Variants in QSOX1 observed in about 807,000 individuals in gnomAD.
The protein encoded by QSOX1 is quiescin sulfhydryl oxidase 1.
In QSOX1, 40 loss-of-function variants were observed where a neutral mutation model predicts 76.1. That is an observed-to-expected ratio of 0.53 (90% CI 0.41 to 0.68). QSOX1 has a LOEUF of 0.68. Ranked by LOEUF, QSOX1 falls within the 30% of genes least tolerant of loss-of-function variation. QSOX1 has a pLI of 0.00. For missense variants in QSOX1, 931 were observed against 974.3 expected, an observed-to-expected ratio of 0.96 and a Z score of 0.59; for synonymous variants, 392 against 413.1, an observed-to-expected ratio of 0.95 and a Z score of 0.62.
In QSOX1 at chr1:180,186,314, C is replaced by T. The variant is rs1663170365; in HGVS notation, c.1017+132C>T. The stretch of plus-strand genomic sequence containing the variant: ...TCTGGCTGGACACCTGGACCCACAG[C>T]TCTCCCTGTCCACCATAGGTGATAC... On this transcript the variant is annotated intron_variant, in intron 8 of 11. Transcript: ENST00000367602. 1.5e-5 allele frequency: 18 copies of T among 1,232,756 alleles called. No individual in the cohort carries two copies. In the South Asian group the frequency reaches 2.1e-4, roughly 15 times the overall value. 76.4% of individuals were successfully genotyped at this position (1,232,756 alleles called of 1,614,324 possible).
chr1:180,187,825 C>T (rs1663211765), intron 8 of QSOX1, among the ~76,000 whole-genome samples: 1 of 152,226 alleles, frequency 6.6e-6, no homozygotes, highest in Non-Finnish European at 1.5e-5. Context: ...GCAGCAGAGG[C>T]ATCGGGGGCA....
At position 180,155,152 on chromosome 1, in the gene QSOX1, C is replaced by A; in HGVS notation, c.245C>A (p.Ala82Glu). ...ATCGCCTTCGCCCCGACGTGGAAGGCGCTGGCCGAAGACGTCAAAGGTGAG... is the reference window on the plus strand; with the variant it reads ...ATCGCCTTCGCCCCGACGTGGAAGGAGCTGGCCGAAGACGTCAAAGGTGAG... ...HCIAFAPTWK[A>E]LAEDVKAWRP... The change falls in exon 1 of 12, where the codon GCG becomes GAG. Residue 82 changes from alanine (A) to glutamate (E), a missense_variant. Physicochemically the swap from Ala to Glu is moderately radical, Grantham distance 107. Transcript: ENST00000367602. 6.6e-7 allele frequency: 1 copy of A among 1,519,206 alleles called. No individual in the cohort carries two copies. The highest frequency in any genetic ancestry group is 8.8e-7 in the Non-Finnish European group (1 of 1,137,756). The allele number at this position is 1,519,206 out of a possible 1,614,324, so 94.1% of individuals were successfully genotyped here. A position where few individuals can be genotyped will look rare whatever the true frequency, so the allele number is the denominator to read the frequency against.
chr1:180,164,585 C>T (rs1051704996), intron 1 of QSOX1, among the ~76,000 whole-genome samples: 3 of 152,204 alleles, frequency 2.0e-5, no homozygotes, highest in Non-Finnish European at 4.4e-5. Context: ...GCTTAGTTGC[C>T]TTCTTTCCAG....
intron 10 of QSOX1, 101 bp from the exon 11 acceptor site, chr1:180,194,111 TG>T: frequency 1.8e-6 from 2 of 1,111,764 alleles, no homozygotes; most frequent in Non-Finnish European, 2.6e-6. Context: ...TGTGCAGGGG[TG>T]GCCACGGCAG....
chr1:180,201,202 G>A lies in QSOX1; in HGVS notation c.*4165G>A, dbSNP rs567379794. ...TATTGCCAGCTACATGTAGAGTGGA[G>A]AGGAGAGGTTTTTCCTGCAGGGCCT... is the stretch of plus-strand genomic sequence containing the variant. On this transcript the variant is annotated 3_prime_UTR_variant, in exon 12 of 12. Coordinates refer to ENST00000367602, the MANE Select transcript of QSOX1 (RefSeq NM_002826.5). 6.6e-6 allele frequency: 1 copy of A among 152,330 alleles called. No homozygotes were observed. Among genetic ancestry groups the A allele is most frequent in the South Asian group, 2.1e-4 (1 of 4,828 alleles). The allele number at this position is 152,330 out of a possible 1,614,324, so 9.4% of individuals were successfully genotyped here.
At chr1:180,178,233 T>TTTTG (rs939821256) in intron 4 of QSOX1, among the ~76,000 whole-genome samples, 29 of 152,176 alleles carry the variant, frequency 1.9e-4, no homozygotes, top group Middle Eastern at 3.4e-3. Context: ...TTCCGACTCT[T>TTTTG]TTTGTTTGTT....
rs1663675239 is a variant in QSOX1 at position 180,203,436 on chromosome 1, CAG to C, written c.*6400_*6401del. On this transcript the variant is annotated 3_prime_UTR_variant, in exon 12 of 12. Transcript: ENST00000367602. The stretch of plus-strand genomic sequence containing the variant: ...CAAAAGTTAAGGAGACACCTGACCT[CAG>C]GGGCCCACAACTGCAGAGCCCCTGA... 1 of 152,204 alleles carries C rather than the reference CAG, an allele frequency of 6.6e-6. No individual in the cohort carries two copies. The allele number at this position is 152,204 out of a possible 1,614,324, so 9.4% of individuals were successfully genotyped here.
intron 2 of QSOX1, among the ~76,000 whole-genome samples, chr1:180,174,273 G>A (rs61826662): frequency 0.14 from 20,571 of 152,256 alleles, 1,521 homozygotes; most frequent in Middle Eastern, 0.21. Flanking sequence ...CTGGGCAGAA[G>A]CCCAGATTGC....
chr1:180,172,241 A>G (rs1412999010), intron 2 of QSOX1, among the ~76,000 whole-genome samples: 1 of 152,192 alleles, frequency 6.6e-6, no homozygotes, highest in Non-Finnish European at 1.5e-5. Context: ...CGGCTGTAGT[A>G]GAAAAGAGGA....
At position 180,198,737 on chromosome 1, in the gene QSOX1, C is replaced by T. The variant is rs1663567438; in HGVS notation, c.*1700C>T. The T allele has an allele frequency of 6.9e-6, 2 of 291,236 alleles. No homozygotes were observed. The highest frequency in any genetic ancestry group is 6.9e-6 in the Non-Finnish European group (1 of 145,300). 18.0% of individuals were successfully genotyped at this position (291,236 alleles called of 1,614,324 possible). A position where few individuals can be genotyped will look rare whatever the true frequency, so the allele number is the denominator to read the frequency against. On this transcript the variant is annotated 3_prime_UTR_variant, in exon 12 of 12. Transcript: ENST00000367602. Reference sequence around the variant, plus strand: ...CATTGGCTCCATCCTCCTGGTTGTGCTCTGCACCCCCTGCTCCCTTGGGCT... The same window carrying T: ...CATTGGCTCCATCCTCCTGGTTGTGTTCTGCACCCCCTGCTCCCTTGGGCT...
intron 2 of QSOX1, 97 bp downstream of exon 2, chr1:180,166,688 T>C: frequency 8.3e-7 from 1 of 1,209,792 alleles, no homozygotes; most frequent in Non-Finnish European, 1.2e-6. Context: ...TGGGCAGATT[T>C]CAGCTGCTCT....
chr1:180,186,170 A>G lies in QSOX1; in HGVS notation c.1005A>G (p.Ala335=), dbSNP rs983611491. 1.9e-6 allele frequency: 3 copies of G among 1,613,354 alleles called. No individual in the cohort carries two copies. Among genetic ancestry groups the G allele is most frequent in the Non-Finnish European group, 2.5e-6 (3 of 1,179,706 alleles). The change falls in exon 8 of 12, where the codon GCA becomes GCG. Residue 335 remains alanine (A), a synonymous_variant. Coordinates refer to ENST00000367602, the MANE Select transcript of QSOX1 (RefSeq NM_002826.5). ...TGGTGGCCCTGAAAAAGTTTGTGGC[A>G]GTGCTGGCCAAGGTGAGCAGGGCCA... ...QRLVALKKFV[A]VLAKYFPGRP... is the part of the protein sequence containing the mutation.
intron 1 of QSOX1, among the ~76,000 whole-genome samples, chr1:180,162,692 C>G (rs1048862038): frequency 1.3e-5 from 2 of 151,972 alleles, no homozygotes; most frequent in Admixed American, 6.6e-5. Context: ...GAGCCACGAT[C>G]GCACCACTGC....
chr1:180,191,713 A>AT (rs1663319620), intron 10 of QSOX1, among the ~76,000 whole-genome samples: 1 of 152,182 alleles, frequency 6.6e-6, no homozygotes, highest in East Asian at 1.9e-4. Context: ...GGGGTCTGGG[A>AT]AAGGCTTCCC....
chr1:180,179,527 G>A lies in QSOX1; in HGVS notation c.606+643G>A, dbSNP rs534054710. On this transcript the variant is annotated intron_variant, in intron 5 of 11. Coordinates refer to ENST00000367602, the MANE Select transcript of QSOX1 (RefSeq NM_002826.5). Reference sequence around the variant, plus strand: ...GTTTATGTAAAGGGCCTGGATTGCAGCTGACACATAGTAGGTGCTTTATAA... The same window carrying A: ...GTTTATGTAAAGGGCCTGGATTGCAACTGACACATAGTAGGTGCTTTATAA... Among the ~76,000 whole-genome samples the A allele has an allele frequency of 7.9e-5, 12 of 152,394 alleles. No homozygotes were observed. In the South Asian group the frequency reaches 2.3e-3, roughly 29 times the overall value.
At chr1:180,159,731 GTC>G (rs1289318572) in intron 1 of QSOX1, among the ~76,000 whole-genome samples, 1 of 152,196 alleles carries the variant, frequency 6.6e-6, no homozygotes, top group African/African-American at 2.4e-5. Context: ...ATCTTGGAAG[GTC>G]AGATCGACAG....
chr1:180,191,262 G>A (rs1412383242), intron 10 of QSOX1, among the ~76,000 whole-genome samples: 1 of 152,262 alleles, frequency 6.6e-6, no homozygotes, highest in Non-Finnish European at 1.5e-5. Context: ...GACCTCTAGT[G>A]TGAGGCAGGG....
chr1:180,177,328 A>T (rs1326362308), intron 4 of QSOX1, among the ~76,000 whole-genome samples: 1 of 146,234 alleles, frequency 6.8e-6, no homozygotes, highest in East Asian at 2.0e-4. Flanking sequence ...ATCTTGGCTC[A>T]CTGCAACCTC....
Position 180,183,980 on chromosome 1 carries a change from G to A in QSOX1, c.817G>A (p.Ala273Thr). ...LQRLSGLTREAAQTTVAPTTA... is the reference protein window; with the variant it reads ...LQRLSGLTRETAQTTVAPTTA... ...GAGACTCTCTGGGCTCACCAGGGAG[G>A]CTGCCCAGACCACAGTTGCACCAAC... The change falls in exon 7 of 12, where the codon GCT (alanine) becomes ACT (threonine). Residue 273 changes from alanine (A) to threonine (T), a missense_variant. Ala to Thr is a moderately conservative substitution (Grantham distance 58, BLOSUM62 0). Transcript: ENST00000367602. 6.2e-7 allele frequency: 1 copy of A among 1,613,934 alleles called. No homozygotes were observed.
Sources: gnomAD v4.1 joint callset for allele counts (sites outside exome capture counted in the v4.1 genomes callset) on GRCh38, gnomAD v4.1.1 for gene constraint, MANE v1.5 for transcripts, NCBI Gene and HGNC (gene_info 2026-07-23, HGNC 2026-07-21) for gene names.